The following C11orf65 variants were observed in gnomAD, a reference collection of about 807,000 sequenced individuals.
C11orf65 encodes the protein protein MFI.
C11orf65 carries 38 observed loss-of-function variants against 35.3 expected under a neutral mutation model. The ratio of observed to expected loss-of-function variants is 1.08; its 90% CI spans 0.83 to 1.41. The LOEUF is 1.41. Among genes scored for constraint, C11orf65 ranks in the 40% most tolerant of loss-of-function variants. The probability of loss-of-function intolerance (pLI) is 0.00; values close to 1 mark genes in which losing one functional copy is unlikely to be tolerated. For synonymous variants in C11orf65, 105 were observed against 114.4 expected (o/e 0.92, Z 0.53); for missense variants, 370 against 367.1 (o/e 1.01, Z -0.06).
intron 2 of C11orf65, among the ~76,000 whole-genome samples, chr11:108,349,833 A>G (rs1168868216): frequency 6.6e-6 from 1 of 152,170 alleles, no homozygotes; most frequent in Non-Finnish European, 1.5e-5. Context: ...GATAATTGAA[A>G]TAGCAAGGGA....
In C11orf65 at chr11:108,310,345, A is replaced by G. The variant is rs751786087; in HGVS notation, c.641-1274T>C. 9 of 1,591,304 alleles carry G rather than the reference A, an allele frequency of 5.7e-6. No individual in the cohort carries two copies. The East Asian group carries it at 1.8e-4, about 32-fold the overall frequency. On this transcript the variant is annotated intron_variant, in intron 6 of 6. Transcript: ENST00000525729. ...TGGAATTTAGAATTTTTGGTTTTTAAAATTAATGTTGGCATTGTCTCAATA... is the reference window on the plus strand; with the variant it reads ...TGGAATTTAGAATTTTTGGTTTTTAGAATTAATGTTGGCATTGTCTCAATA...
chr11:108,351,942 C>CT (rs931801554), intron 2 of C11orf65, among the ~76,000 whole-genome samples: 10 of 152,282 alleles, frequency 6.6e-5, no homozygotes, highest in Admixed American at 3.3e-4. Flanking sequence ...TTCAGCCCTA[C>CT]TCAGCTATAG....
At chr11:108,322,666 T>C (rs922781099) in intron 6 of C11orf65, among the ~76,000 whole-genome samples, 1 of 152,198 alleles carries the variant, frequency 6.6e-6, no homozygotes, top group African/African-American at 2.4e-5. Flanking sequence ...ATAAGTTGAT[T>C]AGCCCTAGAG....
intron 2 of C11orf65, among the ~76,000 whole-genome samples, chr11:108,359,735 T>TC (rs1400042595): frequency 6.6e-6 from 1 of 152,034 alleles, no homozygotes; most frequent in Non-Finnish European, 1.5e-5. Context: ...ATAAAGATGT[T>TC]CTTTGAAACC....
intron 2 of C11orf65, among the ~76,000 whole-genome samples, chr11:108,433,130 GT>G (rs2093013375): frequency 6.6e-6 from 1 of 151,996 alleles, no homozygotes. Flanking sequence ...CAGACCTTCA[GT>G]TTGAGCTTCT....
At chr11:108,309,877 G>T (rs886114450) in intron 6 of C11orf65, among the ~76,000 whole-genome samples, 51 of 152,110 alleles carry the variant, frequency 3.4e-4, no homozygotes, top group African/African-American at 1.2e-3. Context: ...TTGGTAGAGA[G>T]CAGATATGAA....
chr11:108,332,687 C>A, intron 3 of C11orf65: 1 of 1,496,066 alleles, frequency 6.7e-7, no homozygotes. Flanking sequence ...CTGTTTTTCT[C>A]TTTGTTTTTC....
chr11:108,335,004 T>TATACAGTC lies in C11orf65; in HGVS notation c.299+208_299+215dup, dbSNP rs1355690953. 6.2e-7 allele frequency: 1 copy of TATACAGTC among 1,613,748 alleles called. No homozygotes were observed. The highest frequency in any genetic ancestry group is 2.2e-5 in the East Asian group (1 of 44,858). ...CAGGAGAATATGGAAATCTGGTGAC[T>TATACAGTC]ATACAGTCATTTAAAGCAGAATTTC... is the stretch of plus-strand genomic sequence containing the variant. On this transcript the variant is annotated intron_variant, in intron 3 of 3. Coordinates refer to the C11orf65 transcript ENST00000524755.
At chr11:108,334,595 C>G (rs1357186367) in intron 3 of C11orf65, among the ~76,000 whole-genome samples, 2 of 152,162 alleles carry the variant, frequency 1.3e-5, no homozygotes, top group Non-Finnish European at 2.9e-5. Flanking sequence ...TGAAATGTAG[C>G]TGTATCATGT....
intron 2 of C11orf65, among the ~76,000 whole-genome samples, chr11:108,373,451 T>C (rs1235493122): frequency 6.6e-6 from 1 of 152,232 alleles, no homozygotes. Flanking sequence ...TTACCACTTC[T>C]ATCCCACATT....
chr11:108,348,230 A>T (rs1240679623), intron 2 of C11orf65, among the ~76,000 whole-genome samples: 1 of 151,924 alleles, frequency 6.6e-6, no homozygotes, highest in Non-Finnish European at 1.5e-5. Context: ...ATGTATATAT[A>T]TAGACAGTTT....
In C11orf65 at chr11:108,391,657, G is replaced by T. The variant is rs1231295199; in HGVS notation, c.731+1551C>A. 3.9e-5 allele frequency among the ~76,000 whole-genome samples: 6 copies of T among 152,258 alleles called. No individual in the cohort carries two copies. In the East Asian group the frequency reaches 1.2e-3, roughly 29 times the overall value. ...ACCTCCCAAAGAGCTGGGATTACAG[G>T]CGTGAGCCACCACGCCTGGCCCACA... On this transcript the variant is annotated intron_variant, in intron 7 of 8. Transcript: ENST00000393084.
chr11:108,348,529 G>A (rs1312856218), intron 2 of C11orf65, among the ~76,000 whole-genome samples: 1 of 151,672 alleles, frequency 6.6e-6, no homozygotes, highest in Non-Finnish European at 1.5e-5. Flanking sequence ...AAGTATTAAT[G>A]GGATTTCTAG....
intron 2 of C11orf65, among the ~76,000 whole-genome samples, chr11:108,443,781 G>A (rs1255387574): frequency 6.6e-6 from 1 of 152,028 alleles, no homozygotes; most frequent in African/African-American, 2.4e-5. Context: ...CCAGAACAAA[G>A]ACACAACATA....
At chr11:108,466,479 CAGG>C (rs1462519523) in intron 1 of C11orf65, among the ~76,000 whole-genome samples, 3 of 152,152 alleles carry the variant, frequency 2.0e-5, no homozygotes, top group Admixed American at 1.3e-4. Flanking sequence ...AAGGCTGAGG[CAGG>C]AGAATAACTT....
intron 6 of C11orf65, chr11:108,325,680 T>A (rs1444806638): frequency 1.2e-5 from 10 of 827,732 alleles, no homozygotes; most frequent in Non-Finnish European, 1.8e-5. Context: ...AATAATTGTT[T>A]AAGAGTTCCC....
intron 2 of C11orf65, among the ~76,000 whole-genome samples, chr11:108,335,551 G>A (rs1157413643): frequency 2.0e-5 from 3 of 152,192 alleles, no homozygotes; most frequent in Non-Finnish European, 4.4e-5. Context: ...CTACTGGGGA[G>A]TGGTGGAAAG....
intron 6 of C11orf65, among the ~76,000 whole-genome samples, chr11:108,399,854 T>C (rs886245807): frequency 5.3e-5 from 8 of 152,226 alleles, no homozygotes; most frequent in African/African-American, 9.6e-5. Flanking sequence ...CCAGGACCAA[T>C]TGCAAATCTG....
At chr11:108,464,190 G>C (rs1358813063) in intron 1 of C11orf65, among the ~76,000 whole-genome samples, 1 of 152,130 alleles carries the variant, frequency 6.6e-6, no homozygotes, top group Non-Finnish European at 1.5e-5. Context: ...GCCTCCCAAA[G>C]TGCTAGCATT....
Sources: allele counts gnomAD v4.1 joint callset (sites outside exome capture counted in the v4.1 genomes callset), GRCh38; gene constraint gnomAD v4.1.1; transcripts MANE v1.5; gene names NCBI Gene and HGNC (gene_info 2026-07-23, HGNC 2026-07-21).